CCSER1: variants seen among roughly 807,000 people sequenced by gnomAD.
CCSER1 encodes the protein coiled-coil serine rich protein 1.
CCSER1 carries 41 observed loss-of-function variants against 82.0 expected under a neutral mutation model. That is an observed-to-expected ratio of 0.50 (90% CI 0.39 to 0.65). CCSER1 has a LOEUF of 0.65. Among genes scored for constraint, CCSER1 ranks in the 30% least tolerant of loss-of-function variants. CCSER1 has a pLI of 0.00. For missense variants in CCSER1, 1,119 were observed against 1,064.2 expected, an observed-to-expected ratio of 1.05 and a Z score of -0.72; for synonymous variants, 414 against 383.9, an observed-to-expected ratio of 1.08 and a Z score of -0.92.
chr4:91,305,211 T>C (rs1364039605), intron 10 of CCSER1, among the ~76,000 whole-genome samples: 1 of 151,960 alleles, frequency 6.6e-6, no homozygotes, highest in African/African-American at 2.4e-5. Flanking sequence ...TTTTTACTTG[T>C]AAAAAAGGCT....
chr4:90,360,142 C>G (rs1578105992), intron 3 of CCSER1, among the ~76,000 whole-genome samples: 1 of 148,028 alleles, frequency 6.8e-6, no homozygotes, highest in South Asian at 2.1e-4. Context: ...TGGTCTCGAA[C>G]TCCTGACCTC....
intron 7 of CCSER1, among the ~76,000 whole-genome samples, chr4:90,791,215 C>T (rs555188727): frequency 6.6e-6 from 1 of 152,256 alleles, no homozygotes. Context: ...GATTCAATTA[C>T]CTCCCACTGG....
At chr4:91,443,113 C>A (rs1755303543) in intron 10 of CCSER1, among the ~76,000 whole-genome samples, 1 of 151,964 alleles carries the variant, frequency 6.6e-6, no homozygotes, top group African/African-American at 2.4e-5. Flanking sequence ...CCCAGCCATC[C>A]CATTACTGGG....
intron 10 of CCSER1, among the ~76,000 whole-genome samples, chr4:91,512,097 C>T (rs560458436): frequency 5.3e-5 from 8 of 152,124 alleles, no homozygotes; most frequent in East Asian, 1.9e-4. Flanking sequence ...TTGTAGTTCT[C>T]CTTGTAGAGA....
At chr4:90,948,071 A>G (rs531600909) in intron 9 of CCSER1, among the ~76,000 whole-genome samples, 5 of 152,044 alleles carry the variant, frequency 3.3e-5, no homozygotes, top group African/African-American at 1.2e-4. Flanking sequence ...TAAACAAAGT[A>G]AACTGCATCT....
At chr4:90,991,171 C>T (rs1041322242) in intron 9 of CCSER1, among the ~76,000 whole-genome samples, 5 of 151,306 alleles carry the variant, frequency 3.3e-5, no homozygotes, top group Non-Finnish European at 1.5e-5. Context: ...TTTTTTATTG[C>T]CTCCTCATCT....
intron 9 of CCSER1, among the ~76,000 whole-genome samples, chr4:90,988,873 G>T (rs574092192): frequency 1.1e-4 from 16 of 151,788 alleles, no homozygotes; most frequent in South Asian, 4.1e-4. Context: ...GTTTTGTGGG[G>T]TTTTTTATTT....
At chr4:90,317,758 C>G (rs558646177) in intron 3 of CCSER1, among the ~76,000 whole-genome samples, 93 of 152,330 alleles carry the variant, frequency 6.1e-4, no homozygotes, top group African/African-American at 2.0e-3. Context: ...TCTCCTCCTC[C>G]TGTATTCAGG....
intron 9 of CCSER1, among the ~76,000 whole-genome samples, chr4:90,955,592 A>G (rs1202884246): frequency 1.3e-5 from 2 of 152,198 alleles, no homozygotes; most frequent in African/African-American, 4.8e-5. Context: ...GCCTCAGGAC[A>G]TTCCATTCCA....
intron 9 of CCSER1, among the ~76,000 whole-genome samples, chr4:91,030,933 A>G (rs892652268): frequency 6.6e-6 from 1 of 152,170 alleles, no homozygotes; most frequent in Admixed American, 6.6e-5. Context: ...TTTTTAGAGC[A>G]GTGGTCTAAT....
intron 7 of CCSER1, among the ~76,000 whole-genome samples, chr4:90,763,235 C>T (rs1471638465): frequency 6.6e-6 from 1 of 151,780 alleles, no homozygotes; most frequent in Non-Finnish European, 1.5e-5. Flanking sequence ...GGGCTTAGTT[C>T]CACCTATTGA....
At chr4:90,386,813 T>C (rs977526845) in intron 3 of CCSER1, among the ~76,000 whole-genome samples, 1 of 152,194 alleles carries the variant, frequency 6.6e-6, no homozygotes. Context: ...GGCTGCTGCT[T>C]ATCATTCTTG....
intron 7 of CCSER1, among the ~76,000 whole-genome samples, chr4:90,764,503 A>C (rs1226805759): frequency 1.3e-5 from 2 of 152,158 alleles, no homozygotes; most frequent in Non-Finnish European, 2.9e-5. Context: ...ATCAATTGTC[A>C]CCCAATAATG....
chr4:90,985,051 G>A (rs572435380), intron 9 of CCSER1, among the ~76,000 whole-genome samples: 13 of 151,818 alleles, frequency 8.6e-5, no homozygotes, highest in Non-Finnish European at 1.5e-4. Context: ...AAAGGAACTG[G>A]GGAGGGAATG....
chr4:91,390,598 T>TTTATATAATTTATATA (rs1751587601), intron 10 of CCSER1, among the ~76,000 whole-genome samples: 1 of 151,798 alleles, frequency 6.6e-6, no homozygotes, highest in Non-Finnish European at 1.5e-5. Flanking sequence ...TATTTATATA[T>TTTATATAATTTATATA]ATATATATGA....
chr4:90,187,874 G>A (rs1377220369), intron 1 of CCSER1, among the ~76,000 whole-genome samples: 2 of 151,564 alleles, frequency 1.3e-5, no homozygotes, highest in Non-Finnish European at 2.9e-5. Context: ...CTTTCTTTTT[G>A]GAAGACATTA....
At chr4:91,282,266 C>T (rs941084680) in intron 10 of CCSER1, among the ~76,000 whole-genome samples, 7 of 152,054 alleles carry the variant, frequency 4.6e-5, no homozygotes, top group Admixed American at 2.0e-4. Flanking sequence ...GACTTTATTC[C>T]ATCTCAAATG....
chr4:90,703,896 C>G (rs1738722808), intron 6 of CCSER1, among the ~76,000 whole-genome samples: 1 of 152,132 alleles, frequency 6.6e-6, no homozygotes, highest in Non-Finnish European at 1.5e-5. Context: ...CTCCTGAATA[C>G]AGCACACTGA....
At chr4:90,661,853 T>C (rs1288192493) in intron 6 of CCSER1, among the ~76,000 whole-genome samples, 1 of 152,020 alleles carries the variant, frequency 6.6e-6, no homozygotes, top group Non-Finnish European at 1.5e-5. Context: ...GAAAATGTGC[T>C]ACCTTGTTGA....
Sources: gnomAD v4.1 joint callset for allele counts (sites outside exome capture counted in the v4.1 genomes callset) on GRCh38, gnomAD v4.1.1 for gene constraint, MANE v1.5 for transcripts, NCBI Gene and HGNC (gene_info 2026-07-23, HGNC 2026-07-21) for gene names.